Variants in NEGR1 observed in about 807,000 individuals in gnomAD.
NEGR1 encodes the protein IgLON family member 4.
A neutral mutation model predicts 40.9 loss-of-function variants in NEGR1; 10 were observed. That is an observed-to-expected ratio of 0.24 (90% CI 0.15 to 0.42). NEGR1 has a LOEUF of 0.42. Ranked by LOEUF, NEGR1 falls within the 10% of genes least tolerant of loss-of-function variation. The pLI is 1.00. For missense variants in NEGR1, 352 were observed against 438.9 expected (o/e 0.80, Z 1.77); for synonymous variants, 185 against 166.8 (o/e 1.11, Z -0.84).
chr1:71,704,063 C>T (rs369202915), intron 3 of NEGR1, among the ~76,000 whole-genome samples: 11 of 151,678 alleles, frequency 7.3e-5, no homozygotes, highest in African/African-American at 1.9e-4. Context: ...AGATAAAATA[C>T]ACATTTTACA....
intron 6 of NEGR1, among the ~76,000 whole-genome samples, chr1:71,511,218 A>G (rs1168823133): frequency 6.6e-6 from 1 of 152,226 alleles, no homozygotes; most frequent in Non-Finnish European, 1.5e-5. Context: ...GTAAGAAAGG[A>G]AAGGCAGTAT....
intron 2 of NEGR1, among the ~76,000 whole-genome samples, chr1:71,786,470 G>A (rs1656911155): frequency 6.6e-6 from 1 of 152,110 alleles, no homozygotes; most frequent in African/African-American, 2.4e-5. Context: ...TTCAAAATAG[G>A]ACACTGTGGC....
At chr1:71,861,139 G>A (rs1020287309) in intron 2 of NEGR1, among the ~76,000 whole-genome samples, 1 of 152,022 alleles carries the variant, frequency 6.6e-6, no homozygotes, top group Admixed American at 6.6e-5. Context: ...AGTCTCTGGA[G>A]CTAGCAGCCT....
intron 1 of NEGR1, among the ~76,000 whole-genome samples, chr1:72,248,488 C>A (rs1038178768): frequency 1.3e-5 from 2 of 151,596 alleles, no homozygotes; most frequent in Non-Finnish European, 2.9e-5. Flanking sequence ...GATCTCCTGA[C>A]CTCAGGTGAT....
intron 1 of NEGR1, among the ~76,000 whole-genome samples, chr1:72,133,476 G>A (rs889751471): frequency 1.3e-5 from 2 of 151,932 alleles, no homozygotes; most frequent in Non-Finnish European, 2.9e-5. Flanking sequence ...ATTTTGGTTT[G>A]TATTAAGCAA....
intron 1 of NEGR1, among the ~76,000 whole-genome samples, chr1:72,238,407 A>G (rs1301412897): frequency 6.6e-6 from 1 of 151,860 alleles, no homozygotes; most frequent in African/African-American, 2.4e-5. Context: ...ATGTATATCG[A>G]ATTGATTCAG....
At chr1:72,122,213 G>GA (rs1437274663) in intron 1 of NEGR1, among the ~76,000 whole-genome samples, 1 of 151,938 alleles carries the variant, frequency 6.6e-6, no homozygotes, top group Non-Finnish European at 1.5e-5. Flanking sequence ...TCTATTTCCA[G>GA]AAAACATTAA....
At chr1:71,752,892 T>A (rs1557639338) in intron 3 of NEGR1, among the ~76,000 whole-genome samples, 1 of 152,182 alleles carries the variant, frequency 6.6e-6, no homozygotes, top group Non-Finnish European at 1.5e-5. Flanking sequence ...ATCTTAGTCA[T>A]TTTGATGTGA....
In NEGR1 at chr1:72,012,842, CAT is replaced by C. The variant is rs375131531; in HGVS notation, c.177-77533_177-77532del. On this transcript the variant is annotated intron_variant, in intron 1 of 6. Coordinates refer to ENST00000357731, the MANE Select transcript of NEGR1 (RefSeq NM_173808.3). ...ACACACACACACACATATATACATA[CAT>C]ATATATATATATACACACACACATA... Among the ~76,000 whole-genome samples the C allele has an allele frequency of 3.4e-3, 472 of 140,136 alleles. 3 individuals are homozygous for C. Among genetic ancestry groups the C allele is most frequent in the African/African-American group, 8.8e-3 (335 of 38,112 alleles). The allele number at this position is 140,136 out of a possible 152,430, so 91.9% of individuals were successfully genotyped here.
chr1:71,945,550 G>A (rs970513117), intron 1 of NEGR1, among the ~76,000 whole-genome samples: 1 of 151,982 alleles, frequency 6.6e-6, no homozygotes, highest in Non-Finnish European at 1.5e-5. Flanking sequence ...GTAGCTAATT[G>A]TCATATGTAA....
rs1039187495 is a variant in NEGR1 at position 71,405,792 on chromosome 1, T to A, written c.*1654A>T. On this transcript the variant is annotated 3_prime_UTR_variant, in exon 7 of 7. Coordinates refer to ENST00000357731, the MANE Select transcript of NEGR1 (RefSeq NM_173808.3). ...AAATTTCTTGTATCTAATTTTATTA[T>A]AGGGTCTTTGTTGTTACAACTTGTA... 6.6e-6 allele frequency: 1 copy of A among 151,920 alleles called. No homozygotes were observed. The highest frequency in any genetic ancestry group is 2.4e-5 in the African/African-American group (1 of 41,308). The allele number at this position is 151,920 out of a possible 1,614,324, so 9.4% of individuals were successfully genotyped here. A position where few individuals can be genotyped will look rare whatever the true frequency, so the allele number is the denominator to read the frequency against.
intron 2 of NEGR1, among the ~76,000 whole-genome samples, chr1:71,778,294 G>A (rs1047355043): frequency 3.3e-5 from 5 of 151,834 alleles, no homozygotes. Context: ...TCAGTAGAAA[G>A]CACATTTTGA....
chr1:72,214,849 C>T (rs1242619858), intron 1 of NEGR1, among the ~76,000 whole-genome samples: 5 of 104,882 alleles, frequency 4.8e-5, no homozygotes, highest in South Asian at 2.6e-4. Context: ...TCAGAATTAG[C>T]GAAAAAAAAA....
chr1:72,133,309 T>C (rs546033784), intron 1 of NEGR1, among the ~76,000 whole-genome samples: 6 of 152,254 alleles, frequency 3.9e-5, no homozygotes, highest in African/African-American at 1.4e-4. Flanking sequence ...ATTTACTTTG[T>C]ACATGCAGAA....
chr1:71,548,548 A>G (rs138251352), intron 6 of NEGR1, among the ~76,000 whole-genome samples: 1 of 151,824 alleles, frequency 6.6e-6, no homozygotes, highest in African/African-American at 2.4e-5. Flanking sequence ...GCTGTTTCAA[A>G]GACATCTTAC....
chr1:71,562,396 A>G (rs1387614241), intron 6 of NEGR1, among the ~76,000 whole-genome samples: 2 of 145,340 alleles, frequency 1.4e-5, no homozygotes, highest in Non-Finnish European at 3.1e-5. Flanking sequence ...AAATATGAAG[A>G]GCAAATATAT....
chr1:71,814,866 C>G (rs1658143609), intron 2 of NEGR1, among the ~76,000 whole-genome samples: 1 of 151,890 alleles, frequency 6.6e-6, no homozygotes, highest in Admixed American at 6.6e-5. Context: ...TAGCTCCTGG[C>G]TTCATTGATT....
At chr1:71,585,948 C>G (rs1274349396) in intron 6 of NEGR1, among the ~76,000 whole-genome samples, 1 of 151,972 alleles carries the variant, frequency 6.6e-6, no homozygotes, top group Non-Finnish European at 1.5e-5. Flanking sequence ...AAGAGGAAAC[C>G]AGCATTTAAT....
At chr1:71,505,075 T>G (rs1340639132) in intron 6 of NEGR1, among the ~76,000 whole-genome samples, 2 of 152,032 alleles carry the variant, frequency 1.3e-5, no homozygotes, top group African/African-American at 2.4e-5. Flanking sequence ...GCATTTCTAT[T>G]AAAGGGAAAA....
Sources: allele counts gnomAD v4.1 joint callset (sites outside exome capture counted in the v4.1 genomes callset), GRCh38; gene constraint gnomAD v4.1.1; transcripts MANE v1.5; gene names NCBI Gene and HGNC (gene_info 2026-07-23, HGNC 2026-07-21).